HCN4: variants seen among roughly 807,000 people sequenced by gnomAD.
HCN4 encodes hyperpolarization activated cyclic nucleotide gated potassium channel 4, also known as potassium/sodium hyperpolarization-activated cyclic nucleotide-gated channel 4.
In HCN4, 29 loss-of-function variants were observed where a neutral mutation model predicts 76.9. The observed-to-expected ratio is 0.38, with a 90% CI of 0.28 to 0.51. HCN4 has a LOEUF of 0.51. Among genes scored for constraint, HCN4 ranks in the 20% least tolerant of loss-of-function variants. The probability of loss-of-function intolerance (pLI) is 0.90; values close to 1 mark genes in which losing one functional copy is unlikely to be tolerated. For missense variants in HCN4, 1,416 were observed against 1,715.2 expected, an observed-to-expected ratio of 0.83 and a Z score of 3.08; for synonymous variants, 772 against 762.5, an observed-to-expected ratio of 1.01 and a Z score of -0.21.
rs1051410156 is a variant in HCN4, at chr15:73,325,539, C to T, written c.1591-95G>A. ...GGCAGGCACCACATCCGGGCACCCA[C>T]CCCGGGGGATTTCCTGGCTAAACTT... On this transcript the variant is annotated intron_variant, in intron 4 of 7. Coordinates refer to ENST00000261917, the MANE Select transcript of HCN4 (RefSeq NM_005477.3). The surrounding 1 kb of genome is among the most constrained non-coding windows in gnomAD (Gnocchi z 7.4). 1.0e-4 allele frequency: 131 copies of T among 1,273,060 alleles called. No individual in the cohort carries two copies. The highest frequency in any genetic ancestry group is 1.4e-4 in the Non-Finnish European group (118 of 870,748). 78.9% of individuals were successfully genotyped at this position (1,273,060 alleles called of 1,614,324 possible).
chr15:73,329,521 G>A, intron 4 of HCN4, 52 bp downstream of exon 4: 1 of 1,560,252 alleles, frequency 6.4e-7, no homozygotes, highest in South Asian at 1.1e-5. Context: ...CTGGTGGCCT[G>A]TGCTCCCTCT....
chr15:73,331,686 C>A (rs1467208537), intron 3 of HCN4, among the ~76,000 whole-genome samples: 3 of 152,132 alleles, frequency 2.0e-5, no homozygotes, highest in Non-Finnish European at 4.4e-5. Context: ...CTGAAGGGAT[C>A]CCCCTGCCTC....
intron 2 of HCN4, among the ~76,000 whole-genome samples, chr15:73,334,977 T>C (rs774517072): frequency 6.6e-6 from 1 of 151,426 alleles, no homozygotes; most frequent in Non-Finnish European, 1.5e-5. Flanking sequence ...AGTGCCCTTA[T>C]AAAAAGAGAC....
intron 1 of HCN4, among the ~76,000 whole-genome samples, chr15:73,352,144 C>T (rs937780119): frequency 2.0e-5 from 3 of 152,212 alleles, no homozygotes; most frequent in African/African-American, 4.8e-5. Context: ...CTGAAGTCGG[C>T]GCAGTACCTT....
At chr15:73,361,066 AT>A (rs1161754027) in intron 1 of HCN4, among the ~76,000 whole-genome samples, 8 of 152,180 alleles carry the variant, frequency 5.3e-5, no homozygotes, top group Non-Finnish European at 1.5e-5. Flanking sequence ...CCATATTTTC[AT>A]GTTGTATCTT....
intron 1 of HCN4, among the ~76,000 whole-genome samples, chr15:73,361,376 G>C (rs2043104093): frequency 6.6e-6 from 1 of 152,202 alleles, no homozygotes; most frequent in African/African-American, 2.4e-5. Context: ...CTAGCTGGCA[G>C]AGAACATCCT....
At chr15:73,331,416 G>A (rs2042931695) in intron 3 of HCN4, among the ~76,000 whole-genome samples, 1 of 152,144 alleles carries the variant, frequency 6.6e-6, no homozygotes, top group Non-Finnish European at 1.5e-5. Flanking sequence ...AGTCTGCGTG[G>A]GCTGCAAATA....
At chr15:73,357,336 G>T (rs546757534) in intron 1 of HCN4, among the ~76,000 whole-genome samples, 3 of 152,080 alleles carry the variant, frequency 2.0e-5, no homozygotes, top group Non-Finnish European at 4.4e-5. Context: ...CCAACAGGAT[G>T]ATGATGCCCC....
Position 73,368,097 on chromosome 15 carries a change from G to T in HCN4, c.174C>A (p.Pro58=), listed in dbSNP as rs920292438. ...ACTCCGTGCCACCCGCGGCCGCCGA[G>T]GGGGAGGGCGAGGGCAGTGGCCGCA... The part of the protein sequence containing the change: ...IRLRPLPSPS[P]SAAAGGTESR... Residue 58 remains proline (P), a synonymous_variant, in exon 1 of 8, where the codon CCC becomes CCA. Transcript: ENST00000261917. This position sits in a 1 kb window ranked among gnomAD's most constrained non-coding sequence, Gnocchi z 6.9. The T allele has an allele frequency of 1.4e-5, 21 of 1,496,762 alleles. No individual in the cohort carries two copies. Among genetic ancestry groups the T allele is most frequent in the Admixed American group, 2.1e-5 (1 of 47,126 alleles). The allele number at this position is 1,496,762 out of a possible 1,614,324, so 92.7% of individuals were successfully genotyped here. A position where few individuals can be genotyped will look rare whatever the true frequency, so the allele number is the denominator to read the frequency against.
At chr15:73,363,174 TAATGGCCCCAGG>T in intron 1 of HCN4, among the ~76,000 whole-genome samples, 1 of 152,298 alleles carries the variant, frequency 6.6e-6, no homozygotes, top group Non-Finnish European at 1.5e-5. Context: ...CATTCCTGGG[TAATGGCCCCAGG>T]AAAGCCCAGC....
chr15:73,326,715 G>T (rs994173693), intron 4 of HCN4, among the ~76,000 whole-genome samples: 4 of 152,162 alleles, frequency 2.6e-5, no homozygotes, highest in African/African-American at 9.6e-5. Flanking sequence ...AGCCACAGAC[G>T]CCTTGACTCT....
At chr15:73,334,043 G>A (rs2042948130) in intron 2 of HCN4, among the ~76,000 whole-genome samples, 1 of 152,202 alleles carries the variant, frequency 6.6e-6, no homozygotes, top group Admixed American at 6.5e-5. Context: ...TGAATGAGGT[G>A]CCCAGATTCA....
rs2043140945 is a variant in HCN4, at chr15:73,368,408, T to C, written c.-138A>G. The C allele has an allele frequency of 2.0e-6, 1 of 499,060 alleles. No individual in the cohort carries two copies. The highest frequency in any genetic ancestry group is 3.2e-6 in the Non-Finnish European group (1 of 314,354). 30.9% of individuals were successfully genotyped at this position (499,060 alleles called of 1,614,324 possible). The stretch of plus-strand genomic sequence containing the variant: ...GCGTGGGGGCAGCCTCAGGCGCCCA[T>C]GCTTGGGCAGGCTGCGCGCCGCGGG... On this transcript the variant is annotated 5_prime_UTR_variant, in exon 1 of 8. It removes an upstream start codon present in the reference 5' UTR. Transcript: ENST00000261917. The surrounding 1 kb of genome is among the most constrained non-coding windows in gnomAD (Gnocchi z 6.9).
At chr15:73,324,387 CG>C in intron 6 of HCN4, 134 bp from the exon 7 acceptor site, 1 of 933,880 alleles carries the variant, frequency 1.1e-6, no homozygotes, top group Middle Eastern at 3.1e-4. Flanking sequence ...CCCCAGACTG[CG>C]GCCACACTGG....
In HCN4 at chr15:73,325,033, A is replaced by G. The variant is rs2042890424; in HGVS notation, c.1900T>C (p.Phe634Leu). Residue 634 changes from phenylalanine (F) to leucine (L), a missense_variant, in exon 6 of 8, where the codon TTC becomes CTC. By Grantham distance (22) the Phe-to-Leu change is conservative. Around this residue, in one of 6 missense-constraint regions of HCN4, gnomAD observed 241 missense variants for 379.4 expected, o/e 0.64. Coordinates refer to ENST00000261917, the MANE Select transcript of HCN4 (RefSeq NM_005477.3). This position sits in a 1 kb window ranked among gnomAD's most constrained non-coding sequence, Gnocchi z 7.4. ...ACGCTGACCACGCCATGCTGGATGAAGTACATCTTCTTGCCAATGGTGCCT... is the reference window on the plus strand; with the variant it reads ...ACGCTGACCACGCCATGCTGGATGAGGTACATCTTCTTGCCAATGGTGCCT... Reference protein sequence around the residue: ...REGTIGKKMYFIQHGVVSVLT... With the variant: ...REGTIGKKMYLIQHGVVSVLT... 6.2e-7 allele frequency: 1 copy of G among 1,614,192 alleles called. No homozygotes were observed. Among genetic ancestry groups the G allele is most frequent in the Non-Finnish European group, 8.5e-7 (1 of 1,180,032 alleles).
Position 73,322,734 on chromosome 15 carries a change from G to A in HCN4, c.3359C>T (p.Pro1120Leu), listed in dbSNP as rs2042868728. Reference protein sequence around the residue: ...GESMAAFPLFPRAGGGSGGSG... With the variant: ...GESMAAFPLFLRAGGGSGGSG... ...GCCCCCGCTGCCACCCCCAGCCCTG[G>A]GGAAGAGCGGGAAGGCAGCCATGGA... The change falls in exon 8 of 8, where the codon CCC becomes CTC. Residue 1120 changes from proline to leucine, a missense_variant. Around this residue, in one of 6 missense-constraint regions of HCN4, gnomAD observed 633 missense variants for 579.8 expected, o/e 1.09. Coordinates refer to ENST00000261917, the MANE Select transcript of HCN4 (RefSeq NM_005477.3). 3.2e-6 allele frequency: 5 copies of A among 1,562,042 alleles called. No homozygotes were observed. Among genetic ancestry groups the A allele is most frequent in the African/African-American group, 2.7e-5 (2 of 74,082 alleles).
At chr15:73,363,564 G>C (rs1567798989) in intron 1 of HCN4, among the ~76,000 whole-genome samples, 1 of 152,162 alleles carries the variant, frequency 6.6e-6, no homozygotes, top group Non-Finnish European at 1.5e-5. Flanking sequence ...CCTCAACTTA[G>C]GGGGCCACAG....
chr15:73,361,227 G>A lies in HCN4; in HGVS notation c.785+6259C>T, dbSNP rs373197774. Among the ~76,000 whole-genome samples the A allele has an allele frequency of 5.9e-5, 9 of 152,260 alleles. No homozygotes were observed. The South Asian group carries it at 8.3e-4, about 14-fold the overall frequency. ...TCTTATCTTGAGCGCCCACGGTGAC[G>A]GGGAGCTCACCACCTCTCTGTGCTG... On this transcript the variant is annotated intron_variant, in intron 1 of 7. Transcript: ENST00000261917.
intron 1 of HCN4, among the ~76,000 whole-genome samples, chr15:73,366,707 C>T (rs376988474): frequency 2.6e-5 from 4 of 152,198 alleles, no homozygotes; most frequent in Admixed American, 1.3e-4. Flanking sequence ...TGGGGACCCA[C>T]GAGTGGCCCA....
Sources: gnomAD v4.1 joint callset for allele counts (sites outside exome capture counted in the v4.1 genomes callset) on GRCh38, gnomAD v4.1.1 for gene constraint, gnomAD v4.1.1 regional missense constraint, Gnocchi (gnomAD v3.1) non-coding constraint, MANE v1.5 for transcripts, NCBI Gene and HGNC (gene_info 2026-07-23, HGNC 2026-07-21) for gene names.